The following AK5 variants were observed in gnomAD, a reference collection of about 807,000 sequenced individuals.
AK5 encodes adenylate kinase isoenzyme 5.
In AK5, 27 loss-of-function variants were observed where a neutral mutation model predicts 69.5. The ratio of observed to expected loss-of-function variants is 0.39; its 90% CI spans 0.29 to 0.54. AK5 has a LOEUF of 0.54. AK5 is among the 20% of genes least tolerant of loss of function. The pLI, the probability that AK5 is intolerant of heterozygous loss-of-function variation, is 0.71. For synonymous variants in AK5, 260 were observed against 244.4 expected, an observed-to-expected ratio of 1.06 and a Z score of -0.60; for missense variants, 531 against 700.4, an observed-to-expected ratio of 0.76 and a Z score of 2.73.
intron 3 of AK5, 59 bp downstream of exon 3, chr1:77,294,019 A>G (rs1257682244): frequency 1.1e-5 from 17 of 1,510,598 alleles, no homozygotes; most frequent in Non-Finnish European, 1.4e-5. Context: ...ATATATTTAC[A>G]TTTCAAAAAA....
intron 13 of AK5, among the ~76,000 whole-genome samples, chr1:77,554,959 CT>C (rs1014368456): frequency 1.1e-4 from 16 of 151,966 alleles, no homozygotes; most frequent in Admixed American, 9.8e-4. Flanking sequence ...CAAATATTTG[CT>C]GTGTACCCAT....
chr1:77,548,629 T>G (rs993417932), intron 13 of AK5, among the ~76,000 whole-genome samples: 2 of 152,208 alleles, frequency 1.3e-5, no homozygotes, highest in Non-Finnish European at 2.9e-5. Flanking sequence ...AGCAATGGTT[T>G]CAACTGTCTG....
chr1:77,342,417 A>G (rs1661702079), intron 6 of AK5, among the ~76,000 whole-genome samples: 1 of 152,186 alleles, frequency 6.6e-6, no homozygotes, highest in Non-Finnish European at 1.5e-5. Context: ...ATTTACTAAT[A>G]TTTTGCATGG....
chr1:77,400,399 G>A (rs187050664), intron 6 of AK5, among the ~76,000 whole-genome samples: 5 of 152,036 alleles, frequency 3.3e-5, no homozygotes, highest in African/African-American at 2.4e-5. Flanking sequence ...TGTAGGAATC[G>A]AATAAATCCA....
chr1:77,340,293 G>C (rs995940899), intron 5 of AK5, 84 bp from the exon 6 acceptor site: 2 of 1,361,680 alleles, frequency 1.5e-6, no homozygotes, highest in Non-Finnish European at 2.0e-6. Context: ...AGCCTCCACA[G>C]AACAAAAGGA....
chr1:77,544,625 T>C (rs1269368072), intron 13 of AK5, among the ~76,000 whole-genome samples: 1 of 151,968 alleles, frequency 6.6e-6, no homozygotes, highest in Non-Finnish European at 1.5e-5. Context: ...AGGGTTAGAA[T>C]CATCATGCCA....
chr1:77,522,538 A>T lies in AK5; in HGVS notation c.1428+595A>T, dbSNP rs569057837. Among the ~76,000 whole-genome samples, 4 of 152,228 alleles carry T rather than the reference A, an allele frequency of 2.6e-5. No individual in the cohort carries two copies. In the East Asian group the frequency reaches 7.7e-4, roughly 29 times the overall value. ...GCTGCCCTTACAAGAAGACGGGGGA[A>T]TGGGTGCTGGACAGGCAGAATCAGA... On this transcript the variant is annotated intron_variant, in intron 12 of 13. Transcript: ENST00000354567.
chr1:77,365,628 C>G (rs1015469212), intron 6 of AK5, among the ~76,000 whole-genome samples: 1 of 152,168 alleles, frequency 6.6e-6, no homozygotes, highest in Admixed American at 6.5e-5. Context: ...AACCTAGATC[C>G]CTTGCATGTG....
At chr1:77,466,408 C>T (rs904025653) in intron 8 of AK5, among the ~76,000 whole-genome samples, 3 of 152,212 alleles carry the variant, frequency 2.0e-5, no homozygotes, top group Non-Finnish European at 1.5e-5. Context: ...GTTAGCTAGA[C>T]ATTAGACTTC....
chr1:77,298,611 C>T (rs1209439438), intron 5 of AK5, among the ~76,000 whole-genome samples: 1 of 151,006 alleles, frequency 6.6e-6, no homozygotes, highest in Non-Finnish European at 1.5e-5. Context: ...CCAGACCAGC[C>T]TGGGCAATAT....
chr1:77,352,851 G>A (rs1391782446), intron 6 of AK5, among the ~76,000 whole-genome samples: 2 of 152,106 alleles, frequency 1.3e-5, no homozygotes, highest in African/African-American at 4.8e-5. Context: ...AGTTAAATAA[G>A]TTATTTGGCA....
At chr1:77,368,332 ATATATGTTATATATATATGTTG>A (rs1411628576) in intron 6 of AK5, among the ~76,000 whole-genome samples, 6 of 129,912 alleles carry the variant, frequency 4.6e-5, no homozygotes, top group African/African-American at 1.7e-4. Context: ...TATATATGTT[ATATATGTTATATATATATGTTG>A]TGTATATATA....
chr1:77,312,851 C>T (rs1293745898), intron 5 of AK5, among the ~76,000 whole-genome samples: 1 of 152,032 alleles, frequency 6.6e-6, no homozygotes, highest in African/African-American at 2.4e-5. Flanking sequence ...CTTCCCTGTC[C>T]TAATTAGGCT....
At chr1:77,447,727 A>C (rs989174814) in intron 8 of AK5, among the ~76,000 whole-genome samples, 1 of 152,256 alleles carries the variant, frequency 6.6e-6, no homozygotes, top group Non-Finnish European at 1.5e-5. Context: ...ATTAGAACTC[A>C]GGTGTAACCC....
chr1:77,410,832 T>C (rs776566822), intron 6 of AK5, 149 bp from the exon 7 acceptor site: 9 of 630,184 alleles, frequency 1.4e-5, no homozygotes, highest in South Asian at 1.4e-4. Context: ...TAAAACCCTC[T>C]AAATGTCTGA....
At chr1:77,487,262 C>T (rs1655664635) in intron 10 of AK5, among the ~76,000 whole-genome samples, 4 of 152,098 alleles carry the variant, frequency 2.6e-5, no homozygotes, top group Admixed American at 2.6e-4. Context: ...AAAAATGAGA[C>T]TCACAAAGGT....
intron 6 of AK5, among the ~76,000 whole-genome samples, chr1:77,375,737 T>C (rs2602939): frequency 0.98 from 149,389 of 152,222 alleles, 73,367 homozygotes; most frequent in East Asian, 1. Flanking sequence ...TGCAGCTCTT[T>C]AGAGACGCTG....
At chr1:77,394,217 A>C (rs1486337458) in intron 6 of AK5, among the ~76,000 whole-genome samples, 2 of 151,416 alleles carry the variant, frequency 1.3e-5, no homozygotes, top group Non-Finnish European at 2.9e-5. Context: ...TCCATCTCAA[A>C]AAAAAAAAAA....
In AK5 at chr1:77,297,932, A is replaced by G; in HGVS notation, c.684A>G (p.Leu228=). The change falls in exon 5 of 14, where the codon CTA becomes CTG. Residue 228 remains leucine (L), a synonymous_variant. Coordinates refer to ENST00000354567, the MANE Select transcript of AK5 (RefSeq NM_174858.3). The stretch of plus-strand genomic sequence containing the variant: ...TTCCAAGAGATGTTGCCCAGGCTCT[A>G]TCTTTTGAGGACCAAGTAAGAATAT... ...DGFPRDVAQA[L]SFEDQICTPD... is the part of the protein sequence containing the mutation. The G allele has an allele frequency of 1.9e-6, 3 of 1,610,926 alleles. No individual in the cohort carries two copies. Among genetic ancestry groups the G allele is most frequent in the South Asian group, 1.1e-5 (1 of 90,266 alleles).
Sources: allele counts gnomAD v4.1 joint callset (sites outside exome capture counted in the v4.1 genomes callset), GRCh38; gene constraint gnomAD v4.1.1; transcripts MANE v1.5; gene names NCBI Gene and HGNC (gene_info 2026-07-23, HGNC 2026-07-21).